Variants in ITGB5 observed in about 807,000 individuals in gnomAD.
The protein encoded by ITGB5 is integrin subunit beta 5, also known as integrin beta-5.
In ITGB5, 38 loss-of-function variants were observed where a neutral mutation model predicts 84.8. The ratio of observed to expected loss-of-function variants is 0.45; its 90% CI spans 0.35 to 0.59. The LOEUF is 0.59. ITGB5 is among the 20% of genes least tolerant of loss of function. The pLI is 0.01. For missense variants in ITGB5, 905 were observed against 1,034.5 expected (o/e 0.87, Z 1.72); for synonymous variants, 393 against 414.4 (o/e 0.95, Z 0.63).
At chr3:124,766,059 C>CAAAAA (rs376914121) in intron 13 of ITGB5, among the ~76,000 whole-genome samples, 167 bp downstream of exon 13, 55 of 104,472 alleles carry the variant, frequency 5.3e-4, no homozygotes, top group Middle Eastern at 6.7e-3. Context: ...CAGCCTGTGT[C>CAAAAA]AAAAAAAAAA....
chr3:124,862,569 G>A (rs1429588735), intron 2 of ITGB5: 1 of 152,262 alleles, frequency 6.6e-6, no homozygotes. Context: ...GAGACTTAAA[G>A]TCCAAATCAT....
intron 7 of ITGB5, among the ~76,000 whole-genome samples, 195 bp from the exon 8 acceptor site, chr3:124,817,905 G>A (rs570613228): frequency 4.6e-5 from 7 of 152,182 alleles, no homozygotes; most frequent in African/African-American, 9.6e-5. Context: ...GCTACAGTAC[G>A]CCGTGGAATA....
chr3:124,779,896 T>C (rs3772826), intron 10 of ITGB5, among the ~76,000 whole-genome samples: 25,013 of 152,014 alleles, frequency 0.16, 2,261 homozygotes, highest in Admixed American at 0.25. Context: ...ACTTCCACAG[T>C]TAAAGGGCCT....
intron 1 of ITGB5, among the ~76,000 whole-genome samples, chr3:124,894,128 A>ATTTTTTTTTTTT (rs1464038480): frequency 2.6e-4 from 16 of 61,932 alleles, no homozygotes; most frequent in East Asian, 2.2e-3. Flanking sequence ...AAGTTGTGAT[A>ATTTTTTTTTTTT]TTTTTCTTTT....
At chr3:124,895,283 G>C (rs567421538) in intron 1 of ITGB5, among the ~76,000 whole-genome samples, 2 of 152,334 alleles carry the variant, frequency 1.3e-5, no homozygotes, top group South Asian at 4.1e-4. Flanking sequence ...TTGGAGTGCA[G>C]TGGCACCATC....
At chr3:124,768,488 A>G (rs6768588) in intron 12 of ITGB5, among the ~76,000 whole-genome samples, 42,613 of 152,136 alleles carry the variant, frequency 0.28, 6,800 homozygotes, top group African/African-American at 0.4. Flanking sequence ...TGGACATTTC[A>G]TATGAACAGA....
intron 3 of ITGB5, among the ~76,000 whole-genome samples, chr3:124,853,044 T>G (rs546322344): frequency 6.6e-6 from 1 of 152,300 alleles, no homozygotes; most frequent in African/African-American, 2.4e-5. Flanking sequence ...CCCTCAGGTT[T>G]CCTGCCTTTG....
intron 2 of ITGB5, among the ~76,000 whole-genome samples, chr3:124,861,045 G>A (rs1334454158): frequency 6.6e-6 from 1 of 152,052 alleles, no homozygotes; most frequent in Non-Finnish European, 1.5e-5. Context: ...CTGCCTGGGC[G>A]ACAGAGCAAG....
intron 1 of ITGB5, among the ~76,000 whole-genome samples, chr3:124,880,790 A>T (rs138648042): frequency 6.6e-6 from 1 of 151,800 alleles, no homozygotes; most frequent in African/African-American, 2.4e-5. Context: ...TTAGCCAGGC[A>T]TGGTGGCACG....
chr3:124,878,206 G>A (rs1017776541), intron 1 of ITGB5, among the ~76,000 whole-genome samples: 2 of 152,168 alleles, frequency 1.3e-5, no homozygotes, highest in Non-Finnish European at 2.9e-5. Flanking sequence ...CTCATCATGA[G>A]CTCTGGGAAC....
chr3:124,888,480 G>T (rs1046283603), upstream of ITGB5, among the ~76,000 whole-genome samples: 1 of 152,208 alleles, frequency 6.6e-6, no homozygotes, highest in Admixed American at 6.5e-5. Flanking sequence ...TTAGAGTGGA[G>T]TGGTTGATAG....
In ITGB5 at chr3:124,764,576, T is replaced by C. The variant is rs781434085; in HGVS notation, c.2138-19A>G. The C allele has an allele frequency of 1.1e-5, 17 of 1,591,316 alleles. No homozygotes were observed. The highest frequency in any genetic ancestry group is 1.3e-5 in the African/African-American group (1 of 74,534). On this transcript the variant is annotated intron_variant, in intron 13 of 14. Transcript: ENST00000296181. The stretch of plus-strand genomic sequence containing the variant: ...CCACACTCTGGGGGGACCAGAAGCA[T>C]GGTAAGCAAAGCCACTAGCATCACC...
chr3:124,819,882 G>T, intron 6 of ITGB5, 48 bp from the exon 7 acceptor site: 2 of 1,355,664 alleles, frequency 1.5e-6, no homozygotes, highest in Non-Finnish European at 2.1e-6. Context: ...AACAGGTGTA[G>T]ATACCAGCAC....
upstream of ITGB5, among the ~76,000 whole-genome samples, chr3:124,890,937 C>T (rs567913367): frequency 2.5e-4 from 38 of 152,096 alleles, no homozygotes; most frequent in African/African-American, 8.4e-4. Context: ...TTCATCTACT[C>T]ATTAAATTCA....
chr3:124,855,575 C>T (rs1335626696), intron 3 of ITGB5, among the ~76,000 whole-genome samples: 2 of 152,208 alleles, frequency 1.3e-5, no homozygotes, highest in Admixed American at 6.5e-5. Context: ...ATTCACAATG[C>T]TTGTAGGTCT....
chr3:124,798,857 G>A (rs2064274079), intron 9 of ITGB5, among the ~76,000 whole-genome samples: 1 of 152,244 alleles, frequency 6.6e-6, no homozygotes, highest in South Asian at 2.1e-4. Flanking sequence ...ACGGGGAGAG[G>A]GGAGAGGGTA....
intron 1 of ITGB5, among the ~76,000 whole-genome samples, chr3:124,883,255 C>A (rs940448986): frequency 2.0e-5 from 3 of 152,198 alleles, no homozygotes; most frequent in Admixed American, 2.0e-4. Flanking sequence ...GCCACGCAGG[C>A]ACAAAAGGCC....
At chr3:124,871,113 A>G (rs1363176205) in intron 2 of ITGB5, among the ~76,000 whole-genome samples, 2 of 151,960 alleles carry the variant, frequency 1.3e-5, no homozygotes, top group Non-Finnish European at 2.9e-5. Context: ...CCGGTCTTGA[A>G]CTTCTGAGCT....
chr3:124,803,521 T>TG (rs2064347916), intron 9 of ITGB5, among the ~76,000 whole-genome samples: 3 of 152,064 alleles, frequency 2.0e-5, no homozygotes. Flanking sequence ...ACAAATACAA[T>TG]TTGCTCTGTA....
Sources: gnomAD v4.1 joint callset for allele counts (sites outside exome capture counted in the v4.1 genomes callset) on GRCh38, gnomAD v4.1.1 for gene constraint, MANE v1.5 for transcripts, NCBI Gene and HGNC (gene_info 2026-07-23, HGNC 2026-07-21) for gene names.